The following CSMD1 variants were observed in gnomAD, a reference collection of about 807,000 sequenced individuals.
CSMD1 encodes the protein CUB and sushi domain-containing protein 1.
In CSMD1, 213 loss-of-function variants were observed where a neutral mutation model predicts 417.5. The observed-to-expected ratio is 0.51, with a 90% CI of 0.46 to 0.57. The LOEUF (loss-of-function observed/expected upper bound fraction) is 0.57. CSMD1 is among the 20% of genes least tolerant of loss of function. CSMD1 has a pLI of 0.00. For synonymous variants in CSMD1, 2,862 were observed against 1,736.8 expected (o/e 1.65, Z -16.11); for missense variants, 6,923 against 4,529.7 (o/e 1.53, Z -15.17).
intron 18 of CSMD1, among the ~76,000 whole-genome samples, chr8:3,380,057 C>A (rs556560342): frequency 6.6e-6 from 1 of 152,118 alleles, no homozygotes; most frequent in Non-Finnish European, 1.5e-5. Context: ...CAAAAAACAA[C>A]CCCATCAAAA....
At chr8:4,529,416 G>C (rs1376231553) in intron 2 of CSMD1, among the ~76,000 whole-genome samples, 5 of 151,928 alleles carry the variant, frequency 3.3e-5, no homozygotes, top group East Asian at 3.9e-4. Context: ...GTTTTCTTCT[G>C]AAAAAAATTA....
At chr8:4,649,014 T>C (rs2130889211) in intron 1 of CSMD1, among the ~76,000 whole-genome samples, 1 of 152,284 alleles carries the variant, frequency 6.6e-6, no homozygotes, top group Non-Finnish European at 1.5e-5. Context: ...TATACTGCGG[T>C]TATATATTCT....
At chr8:4,678,681 G>C (rs927635505) in intron 1 of CSMD1, among the ~76,000 whole-genome samples, 3 of 152,056 alleles carry the variant, frequency 2.0e-5, no homozygotes, top group East Asian at 1.9e-4. Context: ...TCAACAGAAG[G>C]CATCCAAATA....
At chr8:4,396,134 G>C (rs1434035307) in intron 3 of CSMD1, among the ~76,000 whole-genome samples, 1 of 152,058 alleles carries the variant, frequency 6.6e-6, no homozygotes, top group African/African-American at 2.4e-5. Flanking sequence ...TAATGGGAAT[G>C]TATGCTAAAT....
chr8:3,410,843 A>T (rs1812655636), intron 12 of CSMD1, among the ~76,000 whole-genome samples: 1 of 152,098 alleles, frequency 6.6e-6, no homozygotes, highest in Admixed American at 6.6e-5. Context: ...GGCTCGAGTG[A>T]TCCTCCCACC....
intron 3 of CSMD1, among the ~76,000 whole-genome samples, chr8:4,156,281 G>C (rs1029128764): frequency 6.6e-6 from 1 of 152,040 alleles, no homozygotes; most frequent in Non-Finnish European, 1.5e-5. Flanking sequence ...AGAGTTGATG[G>C]GGTTGAAAAT....
chr8:4,607,024 A>C (rs1776367331), intron 2 of CSMD1, among the ~76,000 whole-genome samples: 1 of 152,206 alleles, frequency 6.6e-6, no homozygotes, highest in African/African-American at 2.4e-5. Flanking sequence ...TCCAGTGGTA[A>C]AGTTTGAAAA....
intron 1 of CSMD1, among the ~76,000 whole-genome samples, chr8:4,974,642 G>A (rs1040334654): frequency 2.6e-5 from 4 of 152,150 alleles, no homozygotes; most frequent in African/African-American, 9.7e-5. Flanking sequence ...GCAGGAATAT[G>A]CAGTTGGAAG....
intron 9 of CSMD1, among the ~76,000 whole-genome samples, chr8:3,582,709 T>C (rs976800): frequency 0.49 from 73,989 of 152,060 alleles, 19,207 homozygotes; most frequent in Non-Finnish European, 0.59. Context: ...AAAGAAAATA[T>C]ATAAAATATC....
In CSMD1 at chr8:4,753,402, A is replaced by ACC. The variant is rs1360428834; in HGVS notation, c.86-115846_86-115845dup. Among the ~76,000 whole-genome samples, 34 of 97,848 alleles carry ACC rather than the reference A, an allele frequency of 3.5e-4. 1 individual carries two copies. The highest frequency in any genetic ancestry group is 1.1e-3 in the African/African-American group (22 of 20,920). 64.2% of individuals were successfully genotyped at this position (97,848 alleles called of 152,430 possible). ...GTCTCTTCCCTACTTTCCACCATAA[A>ACC]CCACACACACACACACACACACACA... On this transcript the variant is annotated intron_variant, in intron 1 of 69. Coordinates refer to ENST00000635120, the MANE Select transcript of CSMD1 (RefSeq NM_033225.6).
chr8:3,650,730 C>T (rs759196812), intron 7 of CSMD1, among the ~76,000 whole-genome samples: 1 of 152,164 alleles, frequency 6.6e-6, no homozygotes, highest in Non-Finnish European at 1.5e-5. Flanking sequence ...CGACTCAATT[C>T]GATGACTTCT....
intron 3 of CSMD1, among the ~76,000 whole-genome samples, chr8:4,225,047 G>A (rs1037787453): frequency 6.6e-6 from 1 of 152,182 alleles, no homozygotes; most frequent in Non-Finnish European, 1.5e-5. Context: ...TAGAGGCAGA[G>A]GTTGCAGTGA....
At chr8:3,859,042 T>G (rs1026563302) in intron 5 of CSMD1, among the ~76,000 whole-genome samples, 1 of 152,182 alleles carries the variant, frequency 6.6e-6, no homozygotes, top group African/African-American at 2.4e-5. Flanking sequence ...TTATTATAAG[T>G]GAAATTTTAC....
chr8:3,993,788 C>T (rs926984531), intron 5 of CSMD1, among the ~76,000 whole-genome samples: 18 of 152,146 alleles, frequency 1.2e-4, no homozygotes, highest in Non-Finnish European at 2.6e-4. Flanking sequence ...GGAGGGAGAT[C>T]ACACAACCTG....
intron 3 of CSMD1, among the ~76,000 whole-genome samples, chr8:4,294,354 A>G (rs148216581): frequency 1.2e-4 from 18 of 152,322 alleles, no homozygotes; most frequent in African/African-American, 4.3e-4. Flanking sequence ...CCAAGATTCT[A>G]GAGACAGTAT....
Position 4,140,182 on chromosome 8 carries a change from G to C in CSMD1, c.416-108083C>G, listed in dbSNP as rs76569391. On this transcript the variant is annotated intron_variant, in intron 3 of 69. Coordinates refer to ENST00000635120, the MANE Select transcript of CSMD1 (RefSeq NM_033225.6). ...AGCCTGAGCAACATAGCAAAAACCC[G>C]TATCTAAAACCACAAAACAAATAAA... Among the ~76,000 whole-genome samples the C allele has an allele frequency of 1.6e-4, 24 of 150,310 alleles. 1 individual carries two copies. Among genetic ancestry groups the C allele is most frequent in the African/African-American group, 6.0e-4 (24 of 40,140 alleles).
chr8:3,145,670 G>T (rs1241466287), intron 40 of CSMD1, among the ~76,000 whole-genome samples: 1 of 152,146 alleles, frequency 6.6e-6, no homozygotes, highest in Non-Finnish European at 1.5e-5. Context: ...GAATTATCTA[G>T]CTATCTAATT....
chr8:3,659,188 G>A (rs1201838158), intron 7 of CSMD1, among the ~76,000 whole-genome samples: 2 of 152,204 alleles, frequency 1.3e-5, no homozygotes, highest in East Asian at 3.8e-4. Flanking sequence ...AAGCAAAATT[G>A]TATTCTACGG....
intron 1 of CSMD1, among the ~76,000 whole-genome samples, chr8:4,869,286 C>T (rs1456378941): frequency 2.0e-5 from 3 of 151,968 alleles, no homozygotes; most frequent in African/African-American, 7.3e-5. Context: ...TAATTCCATC[C>T]TGTTTTATCA....
Sources: allele counts gnomAD v4.1 joint callset (sites outside exome capture counted in the v4.1 genomes callset), GRCh38; gene constraint gnomAD v4.1.1; transcripts MANE v1.5; gene names NCBI Gene and HGNC (gene_info 2026-07-23, HGNC 2026-07-21).